EPS15: variants seen among roughly 807,000 people sequenced by gnomAD.
The protein encoded by EPS15 is epidermal growth factor receptor pathway substrate 15.
In EPS15, 72 loss-of-function variants were observed where a neutral mutation model predicts 113.8. That is an observed-to-expected ratio of 0.63 (90% CI 0.52 to 0.77). The LOEUF is 0.77. EPS15 is among the 30% of genes least tolerant of loss of function. The probability of loss-of-function intolerance (pLI) is 0.00; values close to 1 mark genes in which losing one functional copy is unlikely to be tolerated. For missense variants in EPS15, 1,048 were observed against 1,045.8 expected, an observed-to-expected ratio of 1.00 and a Z score of -0.03; for synonymous variants, 344 against 363.4, an observed-to-expected ratio of 0.95 and a Z score of 0.61.
At chr1:51,386,584 A>G (rs1432203692) in intron 21 of EPS15, among the ~76,000 whole-genome samples, 1 of 152,148 alleles carries the variant, frequency 6.6e-6, no homozygotes, top group Non-Finnish European at 1.5e-5. Context: ...TAGAAGGAAA[A>G]CTAACAAACA....
chr1:51,481,193 G>T, intron 2 of EPS15, 80 bp downstream of exon 2: 2 of 775,032 alleles, frequency 2.6e-6, no homozygotes, highest in South Asian at 3.0e-5. Flanking sequence ...CGAGCTAGCT[G>T]GTAATCTACA....
intron 21 of EPS15, among the ~76,000 whole-genome samples, chr1:51,388,973 C>A (rs991650667): frequency 6.6e-5 from 10 of 152,338 alleles, no homozygotes; most frequent in Admixed American, 3.9e-4. Flanking sequence ...TTTTATGAGG[C>A]CAGCATCATC....
At chr1:51,508,360 G>GAAAC (rs1342146892) in intron 1 of EPS15, among the ~76,000 whole-genome samples, 1 of 149,446 alleles carries the variant, frequency 6.7e-6, no homozygotes, top group African/African-American at 2.5e-5. Context: ...AAGAAAGAAA[G>GAAAC]AAAGAAAGAA....
intron 2 of EPS15, among the ~76,000 whole-genome samples, chr1:51,475,028 T>C (rs566664945): frequency 6.6e-6 from 1 of 152,326 alleles, no homozygotes; most frequent in South Asian, 2.1e-4. Context: ...TCTTTATGGC[T>C]GCATAGTATT....
At chr1:51,391,704 T>C (rs1043465340) in intron 21 of EPS15, among the ~76,000 whole-genome samples, 6 of 152,112 alleles carry the variant, frequency 3.9e-5, no homozygotes, top group Non-Finnish European at 7.3e-5. Context: ...AGGCTTTTAC[T>C]GGATATAATT....
chr1:51,471,182 T>C (rs1475230484), intron 4 of EPS15, among the ~76,000 whole-genome samples: 1 of 152,142 alleles, frequency 6.6e-6, no homozygotes, highest in African/African-American at 2.4e-5. Context: ...CAATCAGAAC[T>C]TCAGAGTACA....
intron 1 of EPS15, among the ~76,000 whole-genome samples, chr1:51,513,065 A>T (rs1477979576): frequency 1.3e-5 from 2 of 152,022 alleles, no homozygotes; most frequent in African/African-American, 4.8e-5. Context: ...TCTTGGCTTC[A>T]ATCAATCCTT....
chr1:51,438,157 AG>A (rs1250551924), intron 12 of EPS15, among the ~76,000 whole-genome samples: 1 of 152,198 alleles, frequency 6.6e-6, no homozygotes, highest in Non-Finnish European at 1.5e-5. Flanking sequence ...CCTACACTGT[AG>A]ATCTCATCTA....
At chr1:51,514,365 AT>A (rs201846282) in intron 1 of EPS15, among the ~76,000 whole-genome samples, 20 of 143,766 alleles carry the variant, frequency 1.4e-4, no homozygotes, top group Admixed American at 1.2e-3. Flanking sequence ...CAGAGTACTG[AT>A]TTTTTTTTTA....
intron 24 of EPS15, among the ~76,000 whole-genome samples, chr1:51,357,426 A>ATATATATT (rs1443627608): frequency 8.0e-4 from 43 of 53,530 alleles, no homozygotes; most frequent in African/African-American, 3.0e-3. Context: ...ATATATATAT[A>ATATATATT]TTTTTTTTTT....
At chr1:51,383,378 C>T (rs762788425) in intron 21 of EPS15, among the ~76,000 whole-genome samples, 1 of 152,206 alleles carries the variant, frequency 6.6e-6, no homozygotes, top group Non-Finnish European at 1.5e-5. Context: ...AGCAGCAGTT[C>T]TCAACCTTTC....
chr1:51,381,550 G>A (rs1489970071), intron 21 of EPS15, among the ~76,000 whole-genome samples: 1 of 152,080 alleles, frequency 6.6e-6, no homozygotes, highest in Admixed American at 6.6e-5. Flanking sequence ...CTGAGATCGC[G>A]CCATTGCACC....
chr1:51,480,730 T>C (rs1304851753), intron 2 of EPS15, among the ~76,000 whole-genome samples: 1 of 152,186 alleles, frequency 6.6e-6, no homozygotes, highest in South Asian at 2.1e-4. Flanking sequence ...CAGCCTGGTC[T>C]TGAACTCCTG....
At chr1:51,376,415 G>A (rs1440640383) in intron 21 of EPS15, among the ~76,000 whole-genome samples, 1 of 152,216 alleles carries the variant, frequency 6.6e-6, no homozygotes, top group Non-Finnish European at 1.5e-5. Flanking sequence ...TGTAATCCCA[G>A]TACTTTTGGA....
At position 51,403,524 on chromosome 1, in the gene EPS15, ACTT is replaced by A; in HGVS notation, c.1683_1685del (p.Arg561del). 1 of 1,564,862 alleles carries A rather than the reference ACTT, an allele frequency of 6.4e-7. No homozygotes were observed. Among genetic ancestry groups the A allele is most frequent in the Non-Finnish European group, 8.7e-7 (1 of 1,150,174 alleles). On this transcript the variant is annotated inframe_deletion, in exon 17 of 25. Coordinates refer to ENST00000371733, the MANE Select transcript of EPS15 (RefSeq NM_001981.3). ...CACCAGAAGGCAGTAGTTCAGGACTACTTCTTGCCTACAAAATATTAATGCAAG... is the reference window on the plus strand; with the variant it reads ...CACCAGAAGGCAGTAGTTCAGGACTACTTGCCTACAAAATATTAATGCAAG...
chr1:51,363,581 A>G (rs1646437465), intron 23 of EPS15, among the ~76,000 whole-genome samples: 1 of 152,192 alleles, frequency 6.6e-6, no homozygotes, highest in Non-Finnish European at 1.5e-5. Context: ...GATTTTCTTG[A>G]CACTTTCCCT....
chr1:51,389,312 C>T (rs570080910), intron 21 of EPS15, among the ~76,000 whole-genome samples: 14 of 152,210 alleles, frequency 9.2e-5, no homozygotes, highest in South Asian at 8.3e-4. Context: ...ATTGATGGGA[C>T]GTATCTCAAA....
intron 1 of EPS15, among the ~76,000 whole-genome samples, chr1:51,484,997 C>A (rs1334055134): frequency 1.3e-5 from 2 of 152,186 alleles, no homozygotes; most frequent in Non-Finnish European, 2.9e-5. Flanking sequence ...TTTATTATTT[C>A]ATAAGCCTTT....
chr1:51,501,993 A>G (rs1644422588), intron 1 of EPS15, among the ~76,000 whole-genome samples: 1 of 152,152 alleles, frequency 6.6e-6, no homozygotes, highest in Non-Finnish European at 1.5e-5. Context: ...TGGCCAAGTG[A>G]GGTGGCTCAT....
Sources: allele counts gnomAD v4.1 joint callset (sites outside exome capture counted in the v4.1 genomes callset), GRCh38; gene constraint gnomAD v4.1.1; transcripts MANE v1.5; gene names NCBI Gene and HGNC (gene_info 2026-07-23, HGNC 2026-07-21).